Variants in CREB5 observed in about 807,000 individuals in gnomAD.
CREB5 encodes the protein cyclic AMP-responsive element-binding protein 5.
CREB5 carries 19 observed loss-of-function variants against 57.1 expected under a neutral mutation model. The observed-to-expected ratio is 0.33, with a 90% confidence interval of 0.23 to 0.49. The LOEUF is 0.49. Ranked by LOEUF, CREB5 falls within the 20% of genes least tolerant of loss-of-function variation. The probability of loss-of-function intolerance (pLI) is 0.99; values close to 1 mark genes in which losing one functional copy is unlikely to be tolerated. For synonymous variants in CREB5, 238 were observed against 238.3 expected (o/e 1.00, Z 0.01); for missense variants, 579 against 671.6 (o/e 0.86, Z 1.52).
intron 1 of CREB5, among the ~76,000 whole-genome samples, chr7:28,395,099 C>T (rs778998839): frequency 1.3e-5 from 2 of 152,134 alleles, no homozygotes; most frequent in African/African-American, 2.4e-5. Context: ...ACTATATATT[C>T]GAGAATATTG....
intron 10 of CREB5, chr7:28,818,870 C>T (rs1809593160): frequency 3.5e-6 from 2 of 573,044 alleles, no homozygotes; most frequent in Admixed American, 4.8e-5. Context: ...ATGACTGAAA[C>T]ACATCAAATC....
chr7:28,326,302 T>C (rs1785605122), intron 1 of CREB5, among the ~76,000 whole-genome samples: 1 of 152,140 alleles, frequency 6.6e-6, no homozygotes, highest in Non-Finnish European at 1.5e-5. Flanking sequence ...CCTTTCCATG[T>C]TTATAGCTTT....
At chr7:28,560,899 T>TGCGCGC (rs1240662799) in intron 4 of CREB5, among the ~76,000 whole-genome samples, 1 of 18,644 alleles carries the variant, frequency 5.4e-5, no homozygotes, top group Non-Finnish European at 9.8e-5. Flanking sequence ...TGTGTGTGCG[T>TGCGCGC]GCGCGCGTGC....
intron 9 of CREB5, 43 bp from the exon 10 acceptor site, chr7:28,818,028 C>A: frequency 6.6e-7 from 1 of 1,505,314 alleles, no homozygotes; most frequent in Non-Finnish European, 9.2e-7. Flanking sequence ...GGGTTTGTAT[C>A]CTCTGGTCTT....
intron 1 of CREB5, among the ~76,000 whole-genome samples, chr7:28,351,567 T>C (rs1460641727): frequency 6.6e-6 from 1 of 152,210 alleles, no homozygotes; most frequent in African/African-American, 2.4e-5. Context: ...TAATCATTGA[T>C]ATCATTTCAT....
intron 1 of CREB5, among the ~76,000 whole-genome samples, chr7:28,388,085 T>G (rs1355460689): frequency 1.3e-5 from 2 of 152,194 alleles, no homozygotes; most frequent in East Asian, 3.9e-4. Flanking sequence ...CTGCAAGACC[T>G]GAGTTGAGGG....
chr7:28,322,867 CT>C (rs2127984607), intron 1 of CREB5, among the ~76,000 whole-genome samples: 1 of 152,222 alleles, frequency 6.6e-6, no homozygotes, highest in Admixed American at 6.5e-5. Context: ...AATTTTTAAT[CT>C]TAAATGTAAC....
At chr7:28,721,759 G>A (rs1201471143) in intron 6 of CREB5, among the ~76,000 whole-genome samples, 1 of 152,230 alleles carries the variant, frequency 6.6e-6, no homozygotes, top group Non-Finnish European at 1.5e-5. Flanking sequence ...GGCAGGCATT[G>A]CCTTCAAGGA....
In CREB5 at chr7:28,804,240, A is replaced by C. The variant is rs1156541453; in HGVS notation, c.744A>C (p.Ser248=). 2 of 1,614,026 alleles carry C rather than the reference A, an allele frequency of 1.2e-6. No homozygotes were observed. The highest frequency in any genetic ancestry group is 4.5e-5 in the East Asian group (2 of 44,894). Residue 248 remains serine (S), a synonymous_variant, in exon 8 of 11, where the codon TCA becomes TCC. Transcript: ENST00000357727. The part of the protein sequence containing the change: ...AALTHHPAAM[S]NGNMNTMGHM... ...TGACTCACCACCCTGCTGCCATGTC[A>C]AATGGGAACATGAACACCATGGGAC... is the stretch of plus-strand genomic sequence containing the variant.
chr7:28,706,136 C>G (rs988948745), intron 5 of CREB5, among the ~76,000 whole-genome samples: 1 of 152,172 alleles, frequency 6.6e-6, no homozygotes, highest in African/African-American at 2.4e-5. Flanking sequence ...GGGTAGATCA[C>G]CTGAGGTCCG....
chr7:28,488,398 C>A, intron 2 of CREB5, 152 bp downstream of exon 2: 1 of 622,190 alleles, frequency 1.6e-6, no homozygotes, highest in Non-Finnish European at 2.8e-6. Context: ...TGATCATCAT[C>A]ATTTTCATCG....
chr7:28,404,015 C>G lies in CREB5; in HGVS notation c.-24-90891C>G, dbSNP rs533714268. Among the ~76,000 whole-genome samples, 4 of 152,158 alleles carry G rather than the reference C, an allele frequency of 2.6e-5. No homozygotes were observed. The East Asian group carries it at 7.7e-4, about 29-fold the overall frequency. ...ACTTGTATGTGAAATCACTCAAATC[C>G]CATAATTTGTATGTCATGGCCCGTA... is the stretch of plus-strand genomic sequence containing the variant. On this transcript the variant is annotated intron_variant, in intron 1 of 9. Coordinates refer to the CREB5 transcript ENST00000396299.
At chr7:28,512,082 C>T (rs2128609562) in intron 4 of CREB5, among the ~76,000 whole-genome samples, 1 of 152,206 alleles carries the variant, frequency 6.6e-6, no homozygotes, top group East Asian at 1.9e-4. Flanking sequence ...TTGGCTTGAG[C>T]AACTGGAAGG....
chr7:28,708,673 A>C (rs766399733), intron 5 of CREB5, among the ~76,000 whole-genome samples: 17 of 152,214 alleles, frequency 1.1e-4, no homozygotes, highest in Non-Finnish European at 2.2e-4. Flanking sequence ...AAATTCCGTC[A>C]TCTATTTGGA....
chr7:28,532,752 G>A lies in CREB5; in HGVS notation c.291+25015G>A, dbSNP rs140659001. On this transcript the variant is annotated intron_variant, in intron 4 of 10. Coordinates refer to ENST00000357727, the MANE Select transcript of CREB5 (RefSeq NM_182898.4). ...TCAGCAGGATAACATAGTGGTAAGAGCACAGAATTCCAAGCCAAAAGATCT... is the reference window on the plus strand; with the variant it reads ...TCAGCAGGATAACATAGTGGTAAGAACACAGAATTCCAAGCCAAAAGATCT... Among the ~76,000 whole-genome samples, 7 of 152,280 alleles carry A rather than the reference G, an allele frequency of 4.6e-5. No homozygotes were observed. The East Asian group carries it at 1.2e-3, about 25-fold the overall frequency.
At chr7:28,696,647 A>G (rs573231569) in intron 5 of CREB5, among the ~76,000 whole-genome samples, 28 of 152,272 alleles carry the variant, frequency 1.8e-4, no homozygotes, top group African/African-American at 6.5e-4. Flanking sequence ...TGGGAAATAT[A>G]TTCTGTATCA....
intron 5 of CREB5, among the ~76,000 whole-genome samples, chr7:28,699,606 C>T (rs954423511): frequency 6.6e-6 from 1 of 152,126 alleles, no homozygotes; most frequent in Non-Finnish European, 1.5e-5. Flanking sequence ...TGACTCCCAC[C>T]AACTTATGCT....
At chr7:28,443,685 C>G (rs59823148) in intron 1 of CREB5, among the ~76,000 whole-genome samples, 1 of 152,108 alleles carries the variant, frequency 6.6e-6, no homozygotes, top group African/African-American at 2.4e-5. Context: ...AACACAGGCT[C>G]TAGGCCACTA....
At chr7:28,434,923 T>C (rs1279691921) in intron 1 of CREB5, among the ~76,000 whole-genome samples, 2 of 142,378 alleles carry the variant, frequency 1.4e-5, no homozygotes, top group Admixed American at 1.5e-4. Context: ...TATTTGGCAT[T>C]GATGATTTTT....
Sources: allele counts gnomAD v4.1 joint callset (sites outside exome capture counted in the v4.1 genomes callset), GRCh38; gene constraint gnomAD v4.1.1; transcripts MANE v1.5; gene names NCBI Gene and HGNC (gene_info 2026-07-23, HGNC 2026-07-21).